Variants in ADGB observed in about 807,000 individuals in gnomAD.
ADGB encodes the protein calpain-7-like protein.
In ADGB, 172 loss-of-function variants were observed where a neutral mutation model predicts 210.5. The observed-to-expected ratio is 0.82, with a 90% CI of 0.72 to 0.93. The LOEUF is 0.93. Ranked by LOEUF, ADGB falls within the 40% of genes least tolerant of loss-of-function variation. The pLI is 0.00. For missense variants in ADGB, 2,025 were observed against 1,964.8 expected, an observed-to-expected ratio of 1.03 and a Z score of -0.58; for synonymous variants, 658 against 662.7, an observed-to-expected ratio of 0.99 and a Z score of 0.11.
chr6:146,635,563 T>C, intron 2 of ADGB, 26 bp downstream of exon 2: 3 of 1,465,894 alleles, frequency 2.0e-6, no homozygotes, highest in East Asian at 5.3e-5. Flanking sequence ...TGTGACTAGG[T>C]TTCATTTTGG....
intron 33 of ADGB, among the ~76,000 whole-genome samples, chr6:146,799,058 CAAAAAAA>C (rs71552962): frequency 3.1e-5 from 2 of 63,516 alleles, no homozygotes; most frequent in Admixed American, 2.1e-4. Context: ...TATGGAAATG[CAAAAAAA>C]AAAAAAAAAA....
chr6:146,644,251 A>G (rs1265330948), intron 2 of ADGB, among the ~76,000 whole-genome samples: 1 of 151,980 alleles, frequency 6.6e-6, no homozygotes, highest in Non-Finnish European at 1.5e-5. Context: ...ACAGTTGTAT[A>G]TGAATCTATA....
At chr6:146,765,333 A>T (rs1027959595) in intron 28 of ADGB, among the ~76,000 whole-genome samples, 3 of 152,082 alleles carry the variant, frequency 2.0e-5, no homozygotes, top group African/African-American at 7.2e-5. Context: ...AAGTAAATAG[A>T]ATTGTGAGAA....
At chr6:146,741,071 C>A in intron 24 of ADGB, 47 bp from the exon 25 acceptor site, 1 of 1,405,202 alleles carries the variant, frequency 7.1e-7, no homozygotes, top group Non-Finnish European at 9.3e-7. Context: ...TTCAAACTTC[C>A]TTTAAGAATT....
At chr6:146,746,200 G>T in intron 26 of ADGB, 91 bp downstream of exon 26, 1 of 943,550 alleles carries the variant, frequency 1.1e-6, no homozygotes, top group Non-Finnish European at 1.5e-6. Context: ...ATCCTGAGTC[G>T]GTTTTGAATT....
intron 13 of ADGB, among the ~76,000 whole-genome samples, chr6:146,710,186 G>A (rs554722332): frequency 5.1e-4 from 77 of 150,948 alleles, no homozygotes; most frequent in South Asian, 4.6e-3. Context: ...TCTATATCTG[G>A]TTTAAGAAAT....
At chr6:146,715,835 T>C (rs886514194) in intron 14 of ADGB, among the ~76,000 whole-genome samples, 4 of 151,796 alleles carry the variant, frequency 2.6e-5, no homozygotes, top group African/African-American at 4.8e-5. Context: ...TTTGGGAGGC[T>C]GAGGCGGGCA....
At chr6:146,676,570 T>C (rs772677481) in intron 9 of ADGB, 129 bp downstream of exon 9, 1 of 939,158 alleles carries the variant, frequency 1.1e-6, no homozygotes, top group Non-Finnish European at 1.4e-6. Flanking sequence ...TTGCCATAAA[T>C]GTTGGGTTCT....
At chr6:146,611,373 AG>A (rs1186613780) in intron 1 of ADGB, among the ~76,000 whole-genome samples, 10 of 151,940 alleles carry the variant, frequency 6.6e-5, no homozygotes, top group Non-Finnish European at 1.2e-4. Context: ...GGAAGCCTTG[AG>A]GGCTGGGCTC....
intron 1 of ADGB, among the ~76,000 whole-genome samples, chr6:146,630,979 A>T (rs1781056573): frequency 6.6e-6 from 1 of 152,194 alleles, no homozygotes; most frequent in African/African-American, 2.4e-5. Flanking sequence ...CTGGAGGAAA[A>T]GGATAGGAGG....
chr6:146,813,577 T>A (rs528195312), intron 35 of ADGB, among the ~76,000 whole-genome samples: 1 of 152,274 alleles, frequency 6.6e-6, no homozygotes, highest in South Asian at 2.1e-4. Context: ...TGGACAGATA[T>A]TCTGTTTAGA....
chr6:146,742,936 A>G (rs1471720948), intron 25 of ADGB, among the ~76,000 whole-genome samples: 5 of 151,992 alleles, frequency 3.3e-5, no homozygotes, highest in Non-Finnish European at 7.4e-5. Flanking sequence ...CATTTTATGC[A>G]TGGCCCAAGA....
Position 146,674,364 on chromosome 6 carries a change from T to C in ADGB, c.1087+1897T>C, listed in dbSNP as rs9485110. On this transcript the variant is annotated intron_variant, in intron 8 of 35. Transcript: ENST00000397944. Reference sequence around the variant, plus strand: ...CTAGTGAAGGAAAATTGGTTTTTTTTTTTAAGTGATGACTGGGAAGATCCT... The same window carrying C: ...CTAGTGAAGGAAAATTGGTTTTTTTCTTTAAGTGATGACTGGGAAGATCCT... 6.6e-3 allele frequency among the ~76,000 whole-genome samples: 1,009 copies of C among 152,270 alleles called. 13 individuals carry two copies. The highest frequency in any genetic ancestry group is 0.023 in the African/African-American group (973 of 41,556).
chr6:146,714,563 A>G (rs1776704436), intron 13 of ADGB, among the ~76,000 whole-genome samples: 1 of 152,146 alleles, frequency 6.6e-6, no homozygotes, highest in Non-Finnish European at 1.5e-5. Flanking sequence ...ACTTGAAGCA[A>G]TTTCAAGTGT....
At chr6:146,623,125 G>T (rs1186542632) in intron 1 of ADGB, among the ~76,000 whole-genome samples, 2 of 151,738 alleles carry the variant, frequency 1.3e-5, no homozygotes, top group African/African-American at 4.8e-5. Context: ...CTTTGAATAT[G>T]TTTCTCCTGT....
In ADGB at chr6:146,797,881, A is replaced by G. The variant is rs577423184; in HGVS notation, c.4538-3302A>G. Among the ~76,000 whole-genome samples the G allele has an allele frequency of 4.6e-5, 7 of 152,258 alleles. No individual in the cohort carries two copies. The East Asian group carries it at 1.4e-3, about 29-fold the overall frequency. On this transcript the variant is annotated intron_variant, in intron 33 of 35. Coordinates refer to ENST00000397944, the MANE Select transcript of ADGB (RefSeq NM_024694.4). ...CACTAAAGAATTTATCCATGTAAAC[A>G]AGCATTATATCCTGTTCCCAAAAAA...
intron 27 of ADGB, among the ~76,000 whole-genome samples, chr6:146,759,721 T>C (rs1354593908): frequency 6.6e-6 from 1 of 151,852 alleles, no homozygotes; most frequent in Non-Finnish European, 1.5e-5. Flanking sequence ...TATTTTCTTA[T>C]ACATTGTCCA....
chr6:146,657,179 AGCT>A (rs1233889601), intron 5 of ADGB, among the ~76,000 whole-genome samples, 199 bp downstream of exon 5: 3 of 152,118 alleles, frequency 2.0e-5, no homozygotes, highest in African/African-American at 7.2e-5. Flanking sequence ...ACAAAAAATT[AGCT>A]GGGTACGGTG....
intron 18 of ADGB, chr6:146,725,880 A>T: frequency 4.7e-6 from 2 of 424,290 alleles, no homozygotes; most frequent in African/African-American, 2.0e-5. Context: ...TGTCCTACAT[A>T]ATAAGTAAAG....
Sources: allele counts gnomAD v4.1 joint callset (sites outside exome capture counted in the v4.1 genomes callset), GRCh38; gene constraint gnomAD v4.1.1; transcripts MANE v1.5; gene names NCBI Gene and HGNC (gene_info 2026-07-23, HGNC 2026-07-21).